ERMP1: variants seen among roughly 807,000 people sequenced by gnomAD.
ERMP1 encodes endoplasmic reticulum metallopeptidase 1.
A neutral mutation model predicts 92.0 loss-of-function variants in ERMP1; 86 were observed. That is an observed-to-expected ratio of 0.93 (90% CI 0.79 to 1.12). The LOEUF (loss-of-function observed/expected upper bound fraction) is 1.12. ERMP1 is among the 50% of genes most tolerant of loss of function. The pLI, the probability that ERMP1 is intolerant of heterozygous loss-of-function variation, is 0.00. For synonymous variants in ERMP1, 530 were observed against 412.8 expected (o/e 1.28, Z -3.44); for missense variants, 1,342 against 1,116.3 (o/e 1.20, Z -2.88).
chr9:5,786,975 A>C lies in ERMP1; in HGVS notation c.*169T>G. ...AACAGGCCATGCATCACTGCGCCAC[A>C]GCTAAACCCTTATAGTGCTTGGCCC... On this transcript the variant is annotated 3_prime_UTR_variant, in exon 15 of 15. Transcript: ENST00000339450. 1 of 624,396 alleles carries C rather than the reference A, an allele frequency of 1.6e-6. No homozygotes were observed. The highest frequency in any genetic ancestry group is 2.6e-6 in the Non-Finnish European group (1 of 383,168). The allele number at this position is 624,396 out of a possible 1,614,324, so 38.7% of individuals were successfully genotyped here. A position where few individuals can be genotyped will look rare whatever the true frequency, so the allele number is the denominator to read the frequency against.
Position 5,823,883 on chromosome 9 carries a change from C to CA in ERMP1, c.874+12dup. 6.4e-7 allele frequency: 1 copy of CA among 1,552,466 alleles called. No individual in the cohort carries two copies. Among genetic ancestry groups the CA allele is most frequent in the Non-Finnish European group, 8.9e-7 (1 of 1,129,520 alleles). ...GAATTGCATTAAAATATACAACGCACAATCTCACATACCTGTTTGGAATAC... is the reference window on the plus strand; with the variant it reads ...GAATTGCATTAAAATATACAACGCACAAATCTCACATACCTGTTTGGAATAC... On this transcript the variant is annotated intron_variant, in intron 4 of 14. Coordinates refer to ENST00000339450, the MANE Select transcript of ERMP1 (RefSeq NM_024896.3).
Position 5,833,085 on chromosome 9 carries a change from G to A in ERMP1, c.-58C>T. On this transcript the variant is annotated 5_prime_UTR_variant, in exon 1 of 15. Transcript: ENST00000339450. The stretch of plus-strand genomic sequence containing the variant: ...CCAACCCGCGACAGCCCCGGCCGCC[G>A]CCGACGCCGCCGTCGCTGCCGCAGC... The A allele has an allele frequency of 3.0e-6, 4 of 1,353,294 alleles. No individual in the cohort carries two copies. The highest frequency in any genetic ancestry group is 3.8e-6 in the Non-Finnish European group (4 of 1,048,096). The allele number at this position is 1,353,294 out of a possible 1,614,324, so 83.8% of individuals were successfully genotyped here.
rs1297435649 is a variant in ERMP1 at position 5,787,467 on chromosome 9, A to C, written c.2513T>G (p.Leu838Arg). The change falls in exon 14 of 15, where the codon CTC becomes CGC. Residue 838 changes from leucine (L) to arginine (R), a missense_variant. Transcript: ENST00000339450. Reference sequence around the variant, plus strand: ...CCAGAACTGCCATGCAGAGGCCTGGAGTCCATGGGAGTAAAAGACAAAGTA... The same window carrying C: ...CCAGAACTGCCATGCAGAGGCCTGGCGTCCATGGGAGTAAAAGACAAAGTA... ...GDYFVFYSHG[L>R]QASAWQFWIE... is the part of the protein sequence containing the mutation. 7 of 1,613,990 alleles carry C rather than the reference A, an allele frequency of 4.3e-6. No homozygotes were observed. Among genetic ancestry groups the C allele is most frequent in the African/African-American group, 2.7e-5 (2 of 74,924 alleles).
rs528767512 is a variant in ERMP1 at position 5,827,142 on chromosome 9, A to C, written c.641-1923T>G. On this transcript the variant is annotated intron_variant, in intron 2 of 14. Transcript: ENST00000339450. ...TTTTCTGTGGATAACATTACTCCTA[A>C]TTGGTATCAATTCCTGAGTCCTAGA... 3.9e-5 allele frequency among the ~76,000 whole-genome samples: 6 copies of C among 152,310 alleles called. No homozygotes were observed. In the South Asian group the frequency reaches 6.2e-4, roughly 16 times the overall value.
chr9:5,796,800 G>C (rs1828442386), intron 13 of ERMP1, among the ~76,000 whole-genome samples: 1 of 152,116 alleles, frequency 6.6e-6, no homozygotes, highest in Admixed American at 6.5e-5. Flanking sequence ...TGTAATGGTA[G>C]ATACATGGCA....
intron 4 of ERMP1, among the ~76,000 whole-genome samples, chr9:5,819,112 C>T (rs1480305648): frequency 1.3e-5 from 2 of 152,178 alleles, no homozygotes; most frequent in Non-Finnish European, 2.9e-5. Context: ...CAAAGACTTA[C>T]ACATGAATGT....
chr9:5,810,265 A>G (rs369332184), intron 7 of ERMP1, 34 bp from the exon 8 acceptor site: 4 of 1,505,214 alleles, frequency 2.7e-6, no homozygotes, highest in South Asian at 2.3e-5. Flanking sequence ...TGAAATCACC[A>G]TCTTCATCAA....
intron 6 of ERMP1, among the ~76,000 whole-genome samples, chr9:5,840,514 C>G (rs1056650085): frequency 6.6e-6 from 1 of 152,214 alleles, no homozygotes; most frequent in Non-Finnish European, 1.5e-5. Context: ...CCTCCCTACC[C>G]ATGCCCACTG....
chr9:5,854,555 A>G (rs1381290690), intron 6 of ERMP1, among the ~76,000 whole-genome samples: 1 of 152,130 alleles, frequency 6.6e-6, no homozygotes, highest in East Asian at 1.9e-4. Context: ...TTTCTGAGTC[A>G]CAGTTTCACT....
chr9:5,834,521 A>C (rs1361266085), upstream of ERMP1, among the ~76,000 whole-genome samples: 4 of 152,196 alleles, frequency 2.6e-5, no homozygotes, highest in African/African-American at 9.7e-5. Context: ...TGAGTGAATG[A>C]AAAAATGAAA....
chr9:5,847,660 C>G (rs1830253825), intron 6 of ERMP1, among the ~76,000 whole-genome samples: 2 of 152,080 alleles, frequency 1.3e-5, no homozygotes, highest in South Asian at 4.1e-4. Flanking sequence ...CTTTGGGAGG[C>G]CAAGGCGGGC....
chr9:5,821,092 T>C (rs1829518007), intron 4 of ERMP1, among the ~76,000 whole-genome samples: 1 of 152,240 alleles, frequency 6.6e-6, no homozygotes, highest in Non-Finnish European at 1.5e-5. Flanking sequence ...AAAATTAATT[T>C]TGAAACATGG....
intron 13 of ERMP1, among the ~76,000 whole-genome samples, chr9:5,790,227 T>C (rs1215429856): frequency 6.7e-6 from 1 of 150,222 alleles, no homozygotes; most frequent in Non-Finnish European, 1.5e-5. Context: ...TGGCCCAGGC[T>C]GGAGCGCAGT....
chr9:5,805,297 G>T, intron 9 of ERMP1, 80 bp from the exon 10 acceptor site: 1 of 1,091,354 alleles, frequency 9.2e-7, no homozygotes, highest in Non-Finnish European at 1.3e-6. Context: ...GGTGTGCCTT[G>T]GTACCCTAAC....
chr9:5,817,711 AGAG>A lies in ERMP1; in HGVS notation c.875-4679_875-4677del, dbSNP rs572737220. ...AAGAGTATGGGCATGCGTAACGTTC[AGAG>A]GAGGTAGGCCTCAGTGCCAAGAATA... On this transcript the variant is annotated intron_variant, in intron 4 of 14. Transcript: ENST00000339450. Among the ~76,000 whole-genome samples the A allele has an allele frequency of 1.3e-3, 195 of 152,322 alleles. 1 individual carries two copies. Among genetic ancestry groups the A allele is most frequent in the African/African-American group, 4.4e-3 (185 of 41,586 alleles).
rs578023030 is a variant in ERMP1, at chr9:5,826,529, G to A, written c.641-1310C>T. 4.6e-5 allele frequency among the ~76,000 whole-genome samples: 7 copies of A among 152,134 alleles called. No individual in the cohort carries two copies. In the South Asian group the frequency reaches 1.4e-3, roughly 32 times the overall value. On this transcript the variant is annotated intron_variant, in intron 2 of 14. Coordinates refer to ENST00000339450, the MANE Select transcript of ERMP1 (RefSeq NM_024896.3). The stretch of plus-strand genomic sequence containing the variant: ...TTGCAAATCTGAGGAAGGCTCTGTA[G>A]CTAGCTAAAATTAAAATGCTTGTTT...
At chr9:5,860,455 A>G (rs1830452295) in intron 5 of ERMP1, among the ~76,000 whole-genome samples, 1 of 152,146 alleles carries the variant, frequency 6.6e-6, no homozygotes, top group African/African-American at 2.4e-5. Context: ...ACATTAATAT[A>G]AATATGGATG....
intron 8 of ERMP1, 145 bp downstream of exon 8, chr9:5,809,866 A>C (rs1371004636): frequency 1.6e-6 from 1 of 607,446 alleles, no homozygotes; most frequent in Non-Finnish European, 2.9e-6. Flanking sequence ...CTTTCAGAAA[A>C]TTAACACAGT....
chr9:5,865,782 G>C (rs1172138486), intron 5 of ERMP1, among the ~76,000 whole-genome samples: 1 of 146,522 alleles, frequency 6.8e-6, no homozygotes, highest in Non-Finnish European at 1.5e-5. Flanking sequence ...AGGTTGCAGT[G>C]AGCCAAGATC....
Sources: allele counts gnomAD v4.1 joint callset (sites outside exome capture counted in the v4.1 genomes callset), GRCh38; gene constraint gnomAD v4.1.1; transcripts MANE v1.5; gene names NCBI Gene and HGNC (gene_info 2026-07-23, HGNC 2026-07-21).